The following CNKSR2 variants were observed in gnomAD, a reference collection of about 807,000 sequenced individuals.
The protein encoded by CNKSR2 is connector enhancer of kinase suppressor of Ras 2.
CNKSR2 carries 14 observed loss-of-function variants against 84.4 expected under a neutral mutation model. The observed-to-expected ratio is 0.17, with a 90% CI of 0.11 to 0.26. The LOEUF (loss-of-function observed/expected upper bound fraction) is 0.26, where lower values mean the gene tolerates loss of function less well. Ranked by LOEUF, CNKSR2 falls within the 10% of genes least tolerant of loss-of-function variation. The pLI is 1.00. For missense variants in CNKSR2, 485 were observed against 771.2 expected (o/e 0.63, Z 4.40); for synonymous variants, 275 against 277.9 (o/e 0.99, Z 0.10).
At chrX:21,389,848 G>A (rs1358404139) in intron 1 of CNKSR2, among the ~76,000 whole-genome samples, 3 of 112,334 alleles carry the variant, frequency 2.7e-5, no homozygotes, top group African/African-American at 9.7e-5. Flanking sequence ...GTTGTGATTT[G>A]AAAAATAATT....
intron 4 of CNKSR2, among the ~76,000 whole-genome samples, chrX:21,451,950 A>G (rs1601807833): frequency 8.9e-6 from 1 of 111,975 alleles, no homozygotes; most frequent in African/African-American, 3.2e-5. Flanking sequence ...ATGACATGCA[A>G]AATAAACAAA....
chrX:21,401,345 G>T (rs2090188890), intron 1 of CNKSR2, among the ~76,000 whole-genome samples: 1 of 111,580 alleles, frequency 9.0e-6, no homozygotes, highest in Non-Finnish European at 1.9e-5. Flanking sequence ...AATAATATGG[G>T]TTTGTATTTC....
intron 20 of CNKSR2, among the ~76,000 whole-genome samples, chrX:21,647,072 A>G: frequency 8.9e-6 from 1 of 111,953 alleles, no homozygotes; most frequent in Non-Finnish European, 1.9e-5. Flanking sequence ...CCATCCCTCA[A>G]AATCCTCTAG....
chrX:21,416,421 G>C (rs2090423666), intron 1 of CNKSR2, among the ~76,000 whole-genome samples: 1 of 110,994 alleles, frequency 9.0e-6, no homozygotes, highest in African/African-American at 3.3e-5. Context: ...ATGTGTCTTT[G>C]GTTTTGGTAT....
At chrX:21,612,005 G>A (rs2092552826) in intron 20 of CNKSR2, among the ~76,000 whole-genome samples, 1 of 111,857 alleles carries the variant, frequency 8.9e-6, no homozygotes, top group South Asian at 3.8e-4. Context: ...ATCCTTTCCT[G>A]GAAGATGCTT....
rs770968622 is a variant in CNKSR2 at position 21,458,656 on chromosome X, C to T, written c.520-12110C>T. 1.2e-4 allele frequency among the ~76,000 whole-genome samples: 13 copies of T among 111,784 alleles called. No individual in the cohort carries two copies. The South Asian group carries it at 4.9e-3, about 42-fold the overall frequency. On this transcript the variant is annotated intron_variant, in intron 4 of 21. Transcript: ENST00000379510. ...CAGAGGTACAAGTTAACATTTGTCA[C>T]ATAGTGTATGTGTCATGGGGGTTTG...
At chrX:21,507,259 G>A (rs1302978991) in intron 8 of CNKSR2, among the ~76,000 whole-genome samples, 9 of 111,113 alleles carry the variant, frequency 8.1e-5, no homozygotes, top group Non-Finnish European at 1.7e-4. Flanking sequence ...TGGCATGGTA[G>A]CTCAAATTGT....
At chrX:21,648,396 A>G (rs1004791639) in intron 20 of CNKSR2, among the ~76,000 whole-genome samples, 2 of 111,782 alleles carry the variant, frequency 1.8e-5, no homozygotes, top group Non-Finnish European at 3.8e-5. Context: ...ATTAATCAGC[A>G]TTTCTATGCT....
At chrX:21,474,112 A>C (rs2091234407) in intron 5 of CNKSR2, among the ~76,000 whole-genome samples, 1 of 110,480 alleles carries the variant, frequency 9.1e-6, no homozygotes, top group Non-Finnish European at 1.9e-5. Context: ...CAAAAGCCAG[A>C]GTTTTTATAT....
intron 1 of CNKSR2, among the ~76,000 whole-genome samples, chrX:21,394,594 G>C (rs138038533): frequency 0.072 from 8,034 of 111,015 alleles, 724 homozygotes; most frequent in African/African-American, 0.25. Context: ...TTGTTGATGG[G>C]TCCACCAAAC....
chrX:21,617,656 A>G (rs775242268), intron 20 of CNKSR2, among the ~76,000 whole-genome samples: 1 of 111,284 alleles, frequency 9.0e-6, no homozygotes, highest in Non-Finnish European at 1.9e-5. Context: ...AGTTAGGGAT[A>G]TGAAGGATGG....
At chrX:21,382,368 T>A (rs968831134) in intron 1 of CNKSR2, among the ~76,000 whole-genome samples, 13 of 111,830 alleles carry the variant, frequency 1.2e-4, no homozygotes, top group African/African-American at 4.2e-4. Context: ...ATAGTATAAA[T>A]ATTACTTACT....
rs113391483 is a variant in CNKSR2 at position 21,440,085 on chromosome X, A to T, written c.432-609A>T. 4.4e-3 allele frequency among the ~76,000 whole-genome samples: 487 copies of T among 111,549 alleles called. 2 individuals are homozygous for T. The highest frequency in any genetic ancestry group is 7.3e-3 in the Non-Finnish European group (384 of 52,902). On this transcript the variant is annotated intron_variant, in intron 3 of 21. Transcript: ENST00000379510. ...AATGAGTTGCTTCAAACACTTGAAGATACATCAGTATACAGGTCCACCATT... is the reference window on the plus strand; with the variant it reads ...AATGAGTTGCTTCAAACACTTGAAGTTACATCAGTATACAGGTCCACCATT...
intron 1 of CNKSR2, among the ~76,000 whole-genome samples, chrX:21,376,547 CTT>C (rs2089819141): frequency 1.8e-5 from 2 of 111,746 alleles, no homozygotes; most frequent in Admixed American, 1.9e-4. Flanking sequence ...TGCTTTTTCT[CTT>C]TATGTATTTG....
chrX:21,491,494 A>G (rs1013866781), intron 6 of CNKSR2: 11 of 112,130 alleles, frequency 9.8e-5, no homozygotes, highest in African/African-American at 3.6e-4. Context: ...CATCTATATA[A>G]CTGTTCAGAA....
In CNKSR2 at chrX:21,374,871, G is replaced by T. The variant is rs371958012; in HGVS notation, c.-27G>T. 66 of 1,187,330 alleles carry T rather than the reference G, an allele frequency of 5.6e-5. No individual in the cohort carries two copies. The African/African-American group carries it at 8.1e-4, about 15-fold the overall frequency. ...AGTTCGTTTTGTGTCTGAGCTCTGC[G>T]CTCTGCACGGAACCGACCCCGTACC... On this transcript the variant is annotated 5_prime_UTR_variant, in exon 1 of 22. Transcript: ENST00000379510.
intron 8 of CNKSR2, among the ~76,000 whole-genome samples, chrX:21,515,724 G>A (rs1253237978): frequency 1.8e-5 from 2 of 111,238 alleles, no homozygotes; most frequent in African/African-American, 6.5e-5. Context: ...ATTTTAACAG[G>A]GGATGCAGTT....
At position 21,590,645 on chromosome X, in the gene CNKSR2, A is replaced by G. The variant is rs201439622; in HGVS notation, c.1657+25A>G. ...GGTAAGAAAAGGAAATGAAACCTTT[A>G]CCTGCTTATTTTGCTCTTTGATAAT... On this transcript the variant is annotated intron_variant, in intron 14 of 21. Transcript: ENST00000379510. The G allele has an allele frequency of 4.2e-6, 5 of 1,188,765 alleles. No homozygotes were observed. The East Asian group carries it at 1.5e-4, about 35-fold the overall frequency.
At chrX:21,444,100 T>C (rs1376407175) in intron 4 of CNKSR2, among the ~76,000 whole-genome samples, 2 of 111,490 alleles carry the variant, frequency 1.8e-5, no homozygotes, top group African/African-American at 6.5e-5. Flanking sequence ...AGGTAAATAC[T>C]TGAGAAGATA....
Sources: allele counts gnomAD v4.1 joint callset (sites outside exome capture counted in the v4.1 genomes callset), GRCh38; gene constraint gnomAD v4.1.1; transcripts MANE v1.5; gene names NCBI Gene and HGNC (gene_info 2026-07-23, HGNC 2026-07-21).